The following PKHD1L1 variants were observed in gnomAD, a reference collection of about 807,000 sequenced individuals.
The protein encoded by PKHD1L1 is PKHD1 like 1, also known as fibrocystin-L.
Under a neutral mutation model 462.9 loss-of-function variants are expected in PKHD1L1, and 434 were observed. That is an observed-to-expected ratio of 0.94 (90% confidence interval 0.87 to 1.02). The LOEUF (loss-of-function observed/expected upper bound fraction) is 1.02. Among genes scored for constraint, PKHD1L1 ranks in the 50% least tolerant of loss-of-function variants. The probability of loss-of-function intolerance (pLI) is 0.00; values close to 1 mark genes in which losing one functional copy is unlikely to be tolerated. For missense variants in PKHD1L1, 5,202 were observed against 5,096.1 expected (o/e 1.02, Z -0.63); for synonymous variants, 1,781 against 1,750.0 (o/e 1.02, Z -0.44).
At chr8:109,465,310 G>T in intron 49 of PKHD1L1, 65 bp downstream of exon 49, 1 of 1,517,062 alleles carries the variant, frequency 6.6e-7, no homozygotes, top group South Asian at 1.3e-5. Context: ...GCACAGAATT[G>T]AATTGTTAAA....
At chr8:109,369,310 A>G (rs1347642392) in intron 2 of PKHD1L1, among the ~76,000 whole-genome samples, 1 of 152,198 alleles carries the variant, frequency 6.6e-6, no homozygotes, top group African/African-American at 2.4e-5. Flanking sequence ...ATTTTTAAAA[A>G]GAAGACTCCT....
chr8:109,459,818 C>T lies in PKHD1L1; in HGVS notation c.7228C>T (p.Pro2410Ser), dbSNP rs376817846. The change falls in exon 47 of 78, where the codon CCT (proline) becomes TCT (serine). Residue 2410 changes from proline (P) to serine (S), a missense_variant. Physicochemically the swap from Pro to Ser is moderately conservative, Grantham distance 74 (BLOSUM62 -1). This residue lies in a region of PKHD1L1 where 4,497 missense variants were observed against 4,336.8 expected (regional missense o/e 1.04). Transcript: ENST00000378402. ...VEWNNKIPAC[P>S]DGFDTGEFAT... ...GTGGAATAACAAAATTCCTGCATGT[C>T]CTGATGGATTTGACACAGGTAATTT... The T allele has an allele frequency of 6.2e-7, 1 of 1,610,222 alleles. No homozygotes were observed. Among genetic ancestry groups the T allele is most frequent in the African/African-American group, 1.3e-5 (1 of 74,756 alleles).
At chr8:109,479,387 G>A (rs1423050713) in intron 53 of PKHD1L1, among the ~76,000 whole-genome samples, 164 bp from the exon 54 acceptor site, 1 of 151,976 alleles carries the variant, frequency 6.6e-6, no homozygotes, top group Non-Finnish European at 1.5e-5. Flanking sequence ...TACTCCCCAT[G>A]AAATAGCACC....
intron 10 of PKHD1L1, 45 bp downstream of exon 10, chr8:109,394,530 C>T (rs1207277831): frequency 7.9e-7 from 1 of 1,258,290 alleles, no homozygotes; most frequent in South Asian, 1.6e-5. Context: ...GGTGGGAAGG[C>T]AGTGTATAAT....
chr8:109,527,697 T>C (rs576063965), intron 77 of PKHD1L1, among the ~76,000 whole-genome samples: 29 of 152,262 alleles, frequency 1.9e-4, no homozygotes, highest in South Asian at 1.5e-3. Flanking sequence ...TCAGATGATA[T>C]CTTCTAGAAC....
intron 59 of PKHD1L1, among the ~76,000 whole-genome samples, chr8:109,489,505 T>C (rs1267353556): frequency 6.6e-6 from 1 of 151,984 alleles, no homozygotes; most frequent in Non-Finnish European, 1.5e-5. Context: ...AAAGAGATTA[T>C]AAAAGGTAAT....
intron 48 of PKHD1L1, among the ~76,000 whole-genome samples, chr8:109,463,442 G>C (rs559979827): frequency 6.6e-6 from 1 of 152,074 alleles, no homozygotes; most frequent in East Asian, 1.9e-4. Flanking sequence ...AGATTGCTAG[G>C]TTGATCTGGA....
intron 5 of PKHD1L1, among the ~76,000 whole-genome samples, chr8:109,384,857 C>A (rs775393707): frequency 3.4e-4 from 51 of 151,606 alleles, no homozygotes; most frequent in Non-Finnish European, 6.2e-4. Context: ...TATACATTAC[C>A]TGTTTATCTC....
At chr8:109,425,654 T>C (rs560885088) in intron 24 of PKHD1L1, among the ~76,000 whole-genome samples, 1 of 152,038 alleles carries the variant, frequency 6.6e-6, no homozygotes, top group Admixed American at 6.6e-5. Flanking sequence ...ACATGCATTT[T>C]AAAAAATAAG....
In PKHD1L1 at chr8:109,401,533, T is replaced by A. The variant is rs964307; in HGVS notation, c.1318T>A (p.Tyr440Asn). ...ATATCATTCTGCTAATGCCAACAGT[T>A]ATTTTTCCAGTCCAACACAAAGATC... ...IAYHSANANS[Y>N]FSSPTQRSDD... The change falls in exon 14 of 78, where the codon TAT (tyrosine) becomes AAT (asparagine). Residue 440 changes from tyrosine to asparagine, a missense_variant. Physicochemically the swap from Tyr to Asn is moderately radical, Grantham distance 143. Coordinates refer to ENST00000378402, the MANE Select transcript of PKHD1L1 (RefSeq NM_177531.6). 2 of 1,591,820 alleles carry A rather than the reference T, an allele frequency of 1.3e-6. No individual in the cohort carries two copies. Among genetic ancestry groups the A allele is most frequent in the Non-Finnish European group, 1.7e-6 (2 of 1,161,758 alleles).
chr8:109,380,199 G>A (rs994829228), intron 2 of PKHD1L1, among the ~76,000 whole-genome samples: 2 of 149,646 alleles, frequency 1.3e-5, no homozygotes, highest in Non-Finnish European at 1.5e-5. Context: ...AATCTTAGCA[G>A]AGATCTCAGC....
At position 109,481,479 on chromosome 8, in the gene PKHD1L1, A is replaced by C. The variant is rs1248701612; in HGVS notation, c.9374A>C (p.Asp3125Ala). ...TGGGAAGATAACCCTTTTAAAGGAG[A>C]CTTAAAGATTGTTCTTAGAGGAAAT... ...GGWEDNPFKG[D>A]LKIVLRGNHT... is the part of the protein sequence containing the mutation. The change falls in exon 56 of 78, where the codon GAC becomes GCC. Residue 3125 changes from aspartate (D) to alanine (A), a missense_variant. Around this residue, in one of 3 missense-constraint regions of PKHD1L1, gnomAD observed 4,497 missense variants for 4,336.8 expected, o/e 1.04. Coordinates refer to ENST00000378402, the MANE Select transcript of PKHD1L1 (RefSeq NM_177531.6). The C allele has an allele frequency of 1.3e-6, 2 of 1,599,454 alleles. No individual in the cohort carries two copies. The highest frequency in any genetic ancestry group is 2.7e-5 in the African/African-American group (2 of 74,444).
At chr8:109,381,598 T>C in intron 3 of PKHD1L1, 84 bp downstream of exon 3, 1 of 1,001,350 alleles carries the variant, frequency 1.0e-6, no homozygotes, top group South Asian at 2.1e-5. Flanking sequence ...AATAGTTTTA[T>C]TACCCTGGCT....
At chr8:109,466,953 C>T (rs112244208) in intron 50 of PKHD1L1, among the ~76,000 whole-genome samples, 184 bp downstream of exon 50, 2,344 of 152,092 alleles carry the variant, frequency 0.015, 62 homozygotes, top group African/African-American at 0.047. Context: ...TTTATAAATG[C>T]AGAGGCTAGC....
chr8:109,462,061 T>G (rs999598298), intron 48 of PKHD1L1, among the ~76,000 whole-genome samples, 153 bp downstream of exon 48: 1 of 152,194 alleles, frequency 6.6e-6, no homozygotes, highest in African/African-American at 2.4e-5. Context: ...CATTTGATCA[T>G]GCCAAAATTT....
Position 109,385,537 on chromosome 8 carries a change from G to T in PKHD1L1, c.476G>T (p.Gly159Val), listed in dbSNP as rs746568405. The change falls in exon 6 of 78, where the codon GGT (glycine) becomes GTT (valine). Residue 159 changes from glycine to valine, a missense_variant and splice_region_variant. Around this residue, in one of 3 missense-constraint regions of PKHD1L1, gnomAD observed 4,497 missense variants for 4,336.8 expected, o/e 1.04. Coordinates refer to ENST00000378402, the MANE Select transcript of PKHD1L1 (RefSeq NM_177531.6). The stretch of plus-strand genomic sequence containing the variant: ...TTTTGGGGTTTTTGTTTGTTTTCAG[G>T]TACACTAATAACAATCCAAGGCAGA... ...RSITPLSGTP[G>V]TLITIQGRIF... 33 of 1,578,748 alleles carry T rather than the reference G, an allele frequency of 2.1e-5. No individual in the cohort carries two copies. In the Admixed American group the frequency reaches 5.8e-4, roughly 28 times the overall value.
intron 6 of PKHD1L1, 48 bp from the exon 7 acceptor site, chr8:109,388,449 A>G (rs1361250294): frequency 7.4e-7 from 1 of 1,358,270 alleles, no homozygotes; most frequent in Non-Finnish European, 1.0e-6. Flanking sequence ...TTTTTGAAAC[A>G]ATTTGTTAAA....
intron 72 of PKHD1L1, 105 bp from the exon 73 acceptor site, chr8:109,518,062 T>C: frequency 1.3e-6 from 1 of 752,716 alleles, no homozygotes; most frequent in Non-Finnish European, 2.1e-6. Flanking sequence ...ATGATAAAGT[T>C]GAATTTGGGG....
At chr8:109,393,105 C>T (rs896532946) in intron 9 of PKHD1L1, among the ~76,000 whole-genome samples, 1 of 151,980 alleles carries the variant, frequency 6.6e-6, no homozygotes, top group African/African-American at 2.4e-5. Context: ...GAGCTAGCAT[C>T]GTTTCAGATC....
Sources: allele counts gnomAD v4.1 joint callset (sites outside exome capture counted in the v4.1 genomes callset), GRCh38; gene constraint gnomAD v4.1.1; regional missense constraint gnomAD v4.1.1; transcripts MANE v1.5; gene names NCBI Gene and HGNC (gene_info 2026-07-23, HGNC 2026-07-21).